ADCY5: variants seen among roughly 807,000 people sequenced by gnomAD.
The protein encoded by ADCY5 is adenylate cyclase 5.
ADCY5 carries 30 observed loss-of-function variants against 119.7 expected under a neutral mutation model. The observed-to-expected ratio is 0.25, with a 90% CI of 0.19 to 0.34. ADCY5 has a LOEUF of 0.34. ADCY5 is among the 10% of genes least tolerant of loss of function. The pLI, the probability that ADCY5 is intolerant of heterozygous loss-of-function variation, is 1.00. For missense variants in ADCY5, 1,324 were observed against 1,775.2 expected (o/e 0.75, Z 4.57); for synonymous variants, 753 against 762.2 (o/e 0.99, Z 0.20).
intron 17 of ADCY5, among the ~76,000 whole-genome samples, chr3:123,294,297 C>A (rs1324771285): frequency 6.6e-6 from 1 of 152,152 alleles, no homozygotes; most frequent in African/African-American, 2.4e-5. Flanking sequence ...CAGGAGCCAC[C>A]AATGGATGCA....
At chr3:123,439,102 T>C (rs1945677675) in intron 1 of ADCY5, among the ~76,000 whole-genome samples, 1 of 148,734 alleles carries the variant, frequency 6.7e-6, no homozygotes, top group African/African-American at 2.5e-5. Context: ...GGAGTCTCGC[T>C]CTATCACCCA....
At chr3:123,340,221 T>C (rs1213763250) in intron 3 of ADCY5, among the ~76,000 whole-genome samples, 1 of 151,948 alleles carries the variant, frequency 6.6e-6, no homozygotes, top group Non-Finnish European at 1.5e-5. Context: ...GCCCAGGAGG[T>C]CTAGGCTGCT....
In ADCY5 at chr3:123,317,997, C is replaced by A. The variant is rs77851468; in HGVS notation, c.2354+23G>T. 2,524 of 1,603,700 alleles carry A rather than the reference C, an allele frequency of 1.6e-3. 35 individuals are homozygous for A. The African/African-American group carries it at 0.027, about 17-fold the overall frequency. ...ATTCCCTGCAGCCAGAGGAAGGAGCCCAAGAGGGACGGGGATACTCACTGG... is the reference window on the plus strand; with the variant it reads ...ATTCCCTGCAGCCAGAGGAAGGAGCACAAGAGGGACGGGGATACTCACTGG... On this transcript the variant is annotated intron_variant, in intron 11 of 20. Coordinates refer to ENST00000462833, the MANE Select transcript of ADCY5 (RefSeq NM_183357.3).
chr3:123,332,766 T>C (rs568846885), intron 3 of ADCY5, 91 bp from the exon 4 acceptor site: 2 of 911,122 alleles, frequency 2.2e-6, no homozygotes, highest in East Asian at 2.7e-5. Context: ...TTCTTTTCTT[T>C]TTTTTTAAGA....
Position 123,349,188 on chromosome 3 carries a change from T to C in ADCY5, c.1285-1285A>G, listed in dbSNP as rs182702568. Among the ~76,000 whole-genome samples the C allele has an allele frequency of 5.3e-5, 8 of 152,260 alleles. No individual in the cohort carries two copies. The East Asian group carries it at 1.4e-3, about 26-fold the overall frequency. On this transcript the variant is annotated intron_variant, in intron 2 of 20. Transcript: ENST00000462833. ...CCCAAACCACACTCGCTTTCCCACA[T>C]TGTCATTCCCCAATCACTTTTCTTT...
chr3:123,447,164 C>T (rs1945831610), intron 1 of ADCY5, among the ~76,000 whole-genome samples: 1 of 152,218 alleles, frequency 6.6e-6, no homozygotes, highest in African/African-American at 2.4e-5. Flanking sequence ...ACAGTGATGG[C>T]TACAGTTCAG....
At chr3:123,312,365 T>C (rs1365496512) in intron 12 of ADCY5, among the ~76,000 whole-genome samples, 1 of 152,260 alleles carries the variant, frequency 6.6e-6, no homozygotes, top group Non-Finnish European at 1.5e-5. Flanking sequence ...ACTTTTTTTG[T>C]AGGTGGTTGT....
chr3:123,388,087 G>A (rs1576653597), intron 1 of ADCY5, among the ~76,000 whole-genome samples: 1 of 152,142 alleles, frequency 6.6e-6, no homozygotes, highest in East Asian at 1.9e-4. Context: ...AAGATGGGGG[G>A]AAGCCAGTAT....
intron 14 of ADCY5, among the ~76,000 whole-genome samples, chr3:123,301,281 G>C (rs1210050401): frequency 2.0e-5 from 3 of 152,202 alleles, no homozygotes; most frequent in Admixed American, 6.5e-5. Context: ...GCAGCCCCTA[G>C]GGCAGACCCT....
At chr3:123,406,620 G>A (rs763088409) in intron 1 of ADCY5, among the ~76,000 whole-genome samples, 25 of 152,168 alleles carry the variant, frequency 1.6e-4, no homozygotes, top group African/African-American at 4.8e-5. Flanking sequence ...CTGAAATTGG[G>A]CTCTTGGGAC....
intron 13 of ADCY5, among the ~76,000 whole-genome samples, 174 bp downstream of exon 13, chr3:123,303,890 AGAG>A (rs780305727): frequency 3.7e-5 from 3 of 80,028 alleles, no homozygotes; most frequent in African/African-American, 1.9e-4. Flanking sequence ...AGAGAAGAGA[AGAG>A]AAGAAAGAAC....
chr3:123,290,101 A>G, intron 18 of ADCY5, 147 bp from the exon 19 acceptor site: 2 of 800,886 alleles, frequency 2.5e-6, no homozygotes, highest in Non-Finnish European at 4.0e-6. Context: ...CATCCTCATC[A>G]GTGTGATGCC....
intron 1 of ADCY5, among the ~76,000 whole-genome samples, chr3:123,407,765 C>CAA (rs753730627): frequency 6.1e-5 from 4 of 65,874 alleles, no homozygotes; most frequent in Admixed American, 1.5e-4. Context: ...GACCCTGTCT[C>CAA]AAAAAAAAAA....
chr3:123,396,972 C>T (rs866492457), intron 1 of ADCY5, among the ~76,000 whole-genome samples: 2 of 152,134 alleles, frequency 1.3e-5, no homozygotes, highest in African/African-American at 2.4e-5. Context: ...AACTTCTGTA[C>T]AATGTGAGCT....
intron 12 of ADCY5, among the ~76,000 whole-genome samples, chr3:123,310,501 G>T (rs1472086698): frequency 1.3e-5 from 2 of 152,180 alleles, no homozygotes; most frequent in Non-Finnish European, 2.9e-5. Flanking sequence ...TTATCACTCG[G>T]AATTCCAGCC....
intron 1 of ADCY5, among the ~76,000 whole-genome samples, chr3:123,368,488 T>G (rs1020001784): frequency 2.8e-4 from 43 of 152,216 alleles, no homozygotes; most frequent in Non-Finnish European, 4.6e-4. Context: ...TCCCAGCTAC[T>G]TGGGAGGCTA....
At chr3:123,396,723 GAGGGAGGAAGGAAGGA>G (rs1470759437) in intron 1 of ADCY5, among the ~76,000 whole-genome samples, 2 of 94,952 alleles carry the variant, frequency 2.1e-5, no homozygotes, top group African/African-American at 8.9e-5. Context: ...AGAGAGAAGG[GAGGGAGGAAGGAAGGA>G]AGGAAGGAAG....
chr3:123,300,590 C>T (rs575567507), intron 14 of ADCY5, among the ~76,000 whole-genome samples: 49 of 152,300 alleles, frequency 3.2e-4, no homozygotes, highest in African/African-American at 8.2e-4. Context: ...TTGTGTGCCT[C>T]GGGCTGCGTG....
intron 1 of ADCY5, among the ~76,000 whole-genome samples, chr3:123,359,595 G>T (rs997924856): frequency 5.9e-5 from 9 of 151,888 alleles, no homozygotes; most frequent in African/African-American, 2.2e-4. Context: ...TCACCCCAAT[G>T]AAGTGCAAGC....
Sources: allele counts gnomAD v4.1 joint callset (sites outside exome capture counted in the v4.1 genomes callset), GRCh38; gene constraint gnomAD v4.1.1; transcripts MANE v1.5; gene names NCBI Gene and HGNC (gene_info 2026-07-23, HGNC 2026-07-21).